DOCK3: variants seen among roughly 807,000 people sequenced by gnomAD.
DOCK3 encodes dedicator of cytokinesis 3.
Under a neutral mutation model 265.6 loss-of-function variants are expected in DOCK3, and 60 were observed. That is an observed-to-expected ratio of 0.23 (90% CI 0.18 to 0.28). DOCK3 has a LOEUF of 0.28. DOCK3 is among the 10% of genes least tolerant of loss of function. DOCK3 has a pLI of 1.00. For missense variants in DOCK3, 1,981 were observed against 2,594.3 expected, an observed-to-expected ratio of 0.76 and a Z score of 5.14; for synonymous variants, 881 against 938.0, an observed-to-expected ratio of 0.94 and a Z score of 1.11.
At chr3:50,705,186 T>C (rs973113151) in intron 1 of DOCK3, among the ~76,000 whole-genome samples, 3 of 152,144 alleles carry the variant, frequency 2.0e-5, no homozygotes, top group Non-Finnish European at 4.4e-5. Flanking sequence ...TTTCATACTT[T>C]CATGTGTTTT....
chr3:51,037,155 A>G (rs2080301348), intron 5 of DOCK3, among the ~76,000 whole-genome samples: 1 of 152,166 alleles, frequency 6.6e-6, no homozygotes, highest in Admixed American at 6.5e-5. Context: ...AGAGCAGAGT[A>G]TGTAAATAAT....
rs974100397 is a variant in DOCK3 at position 51,027,171 on chromosome 3, A to AT, written c.316-37268dup. 1.5e-4 allele frequency among the ~76,000 whole-genome samples: 23 copies of AT among 151,248 alleles called. No homozygotes were observed. The South Asian group carries it at 1.9e-3, about 12-fold the overall frequency. On this transcript the variant is annotated intron_variant, in intron 5 of 52. Transcript: ENST00000266037. ...GTTGTGTTTCTATTTGTTTGAAATA[A>AT]TTTTTTTTTGTTTCTGCCTAATTTT...
At chr3:50,989,713 G>GT (rs1270990053) in intron 5 of DOCK3, among the ~76,000 whole-genome samples, 1 of 152,206 alleles carries the variant, frequency 6.6e-6, no homozygotes, top group Non-Finnish European at 1.5e-5. Flanking sequence ...AAGAACCAAT[G>GT]TAAGAACTCT....
chr3:51,239,554 G>T (rs2078504648), intron 21 of DOCK3, among the ~76,000 whole-genome samples: 1 of 139,042 alleles, frequency 7.2e-6, no homozygotes, highest in Admixed American at 6.9e-5. Context: ...TCTGGTCCTG[G>T]GTTTTTTTTT....
chr3:50,782,629 C>A (rs886205876), intron 2 of DOCK3, among the ~76,000 whole-genome samples: 7 of 149,732 alleles, frequency 4.7e-5, no homozygotes, highest in Non-Finnish European at 8.9e-5. Context: ...AAATTCTTTT[C>A]AAAATTAAGT....
chr3:50,766,029 C>T (rs2040852012), intron 1 of DOCK3, among the ~76,000 whole-genome samples: 1 of 152,088 alleles, frequency 6.6e-6, no homozygotes, highest in South Asian at 2.1e-4. Flanking sequence ...GGTATTTGTC[C>T]TTCTGTGCCT....
At chr3:50,978,503 C>T (rs532593871) in intron 5 of DOCK3, among the ~76,000 whole-genome samples, 4 of 152,316 alleles carry the variant, frequency 2.6e-5, no homozygotes, top group African/African-American at 9.6e-5. Context: ...TCTGCCCGTT[C>T]TCAGATCTCC....
chr3:50,759,671 TAAAAA>T, intron 1 of DOCK3, among the ~76,000 whole-genome samples: 1 of 118,712 alleles, frequency 8.4e-6, no homozygotes, highest in Non-Finnish European at 1.7e-5. Flanking sequence ...ACCCCGTCTC[TAAAAA>T]AAAAAAAAAA....
At chr3:51,043,322 A>G (rs1181853511) in intron 5 of DOCK3, among the ~76,000 whole-genome samples, 2 of 152,198 alleles carry the variant, frequency 1.3e-5, no homozygotes, top group Non-Finnish European at 2.9e-5. Context: ...ACAGACAAAA[A>G]CAAGCAATGG....
At chr3:51,097,439 G>T (rs1369613022) in intron 9 of DOCK3, among the ~76,000 whole-genome samples, 2 of 152,206 alleles carry the variant, frequency 1.3e-5, no homozygotes, top group Non-Finnish European at 2.9e-5. Context: ...CCTCAGTAAT[G>T]GTGGCTGGCC....
At chr3:50,783,337 C>T (rs2042022232) in intron 2 of DOCK3, among the ~76,000 whole-genome samples, 1 of 149,050 alleles carries the variant, frequency 6.7e-6, no homozygotes, top group African/African-American at 2.5e-5. Context: ...GTGCCAATAT[C>T]TTTTTTTTTT....
chr3:51,037,953 CAT>C (rs1385505423), intron 5 of DOCK3, among the ~76,000 whole-genome samples: 2 of 151,982 alleles, frequency 1.3e-5, no homozygotes, highest in East Asian at 3.8e-4. Context: ...ACAATTGAAA[CAT>C]AGAAAAAAGA....
intron 12 of DOCK3, among the ~76,000 whole-genome samples, chr3:51,199,653 A>C (rs2088576222): frequency 6.6e-6 from 1 of 152,338 alleles, no homozygotes; most frequent in Middle Eastern, 3.4e-3. Context: ...CTGCAGACTT[A>C]AATGTCCCTG....
chr3:51,272,053 A>G (rs1023670726), intron 24 of DOCK3, among the ~76,000 whole-genome samples: 4 of 152,204 alleles, frequency 2.6e-5, no homozygotes, highest in African/African-American at 4.8e-5. Context: ...TTTCACAAAG[A>G]ACTTCTGGTT....
chr3:50,720,131 C>CT (rs869087895), intron 1 of DOCK3, among the ~76,000 whole-genome samples: 1 of 151,382 alleles, frequency 6.6e-6, no homozygotes, highest in Non-Finnish European at 1.5e-5. Context: ...TACCTGGAAT[C>CT]TTTTTTTTTA....
intron 1 of DOCK3, among the ~76,000 whole-genome samples, chr3:50,751,965 C>G (rs1167099256): frequency 6.6e-6 from 1 of 152,078 alleles, no homozygotes; most frequent in African/African-American, 2.4e-5. Flanking sequence ...CCCCCATGAT[C>G]CAATCACCTT....
In DOCK3 at chr3:51,338,392, G is replaced by T. The variant is rs943567993; in HGVS notation, c.3645G>T (p.Lys1215Asn). ...TGAAAGGAGAGGAAACAGAGAATAA[G>T]AAGATAGGCTGCACTGTTAACCTGA... is the stretch of plus-strand genomic sequence containing the variant. The part of the protein sequence containing the change: ...DCMKGEETEN[K>N]KIGCTVNLMN... The change falls in exon 36 of 53, where the codon AAG becomes AAT. Residue 1215 changes from lysine to asparagine, a missense_variant. This residue lies in a region of DOCK3 where 1,357 missense variants were observed against 1,866.8 expected (regional missense o/e 0.73). Transcript: ENST00000266037. The T allele has an allele frequency of 1.9e-6, 3 of 1,551,728 alleles. No homozygotes were observed. In the African/African-American group the frequency reaches 4.1e-5, roughly 21 times the overall value.
chr3:50,884,713 T>G (rs926708897), intron 3 of DOCK3, among the ~76,000 whole-genome samples: 1 of 152,160 alleles, frequency 6.6e-6, no homozygotes, highest in Non-Finnish European at 1.5e-5. Flanking sequence ...AAGTTTTGTG[T>G]CATTTTTAAA....
At chr3:51,133,111 C>G (rs1174627713) in intron 9 of DOCK3, among the ~76,000 whole-genome samples, 1 of 152,134 alleles carries the variant, frequency 6.6e-6, no homozygotes, top group African/African-American at 2.4e-5. Flanking sequence ...AGAGGTGAGG[C>G]TGAGAGTGTG....
Sources: allele counts gnomAD v4.1 joint callset (sites outside exome capture counted in the v4.1 genomes callset), GRCh38; gene constraint gnomAD v4.1.1; regional missense constraint gnomAD v4.1.1; transcripts MANE v1.5; gene names NCBI Gene and HGNC (gene_info 2026-07-23, HGNC 2026-07-21).